Variants in KCNMA1 observed in about 807,000 individuals in gnomAD.
KCNMA1 encodes the protein potassium calcium-activated channel subfamily M alpha 1.
KCNMA1 carries 29 observed loss-of-function variants against 140.0 expected under a neutral mutation model. The observed-to-expected ratio is 0.21, with a 90% CI of 0.15 to 0.28. KCNMA1 has a LOEUF of 0.28. Ranked by LOEUF, KCNMA1 falls within the 10% of genes least tolerant of loss-of-function variation. KCNMA1 has a pLI of 1.00. For missense variants in KCNMA1, 880 were observed against 1,602.2 expected, an observed-to-expected ratio of 0.55 and a Z score of 7.70; for synonymous variants, 612 against 611.9, an observed-to-expected ratio of 1.00 and a Z score of 0.00.
intron 25 of KCNMA1, among the ~76,000 whole-genome samples, chr10:76,896,859 C>T (rs991179994): frequency 4.7e-5 from 7 of 150,130 alleles, no homozygotes; most frequent in Admixed American, 2.6e-4. Context: ...TGTGAATATG[C>T]TAAAAAAAAA....
intron 5 of KCNMA1, among the ~76,000 whole-genome samples, chr10:77,182,601 AC>A (rs538330486): frequency 2.3e-3 from 348 of 152,336 alleles, no homozygotes; most frequent in Non-Finnish European, 4.0e-3. Flanking sequence ...CATGCATATT[AC>A]TTTTTAAATA....
At chr10:77,531,403 T>C (rs1167314844) in intron 1 of KCNMA1, among the ~76,000 whole-genome samples, 1 of 152,148 alleles carries the variant, frequency 6.6e-6, no homozygotes, top group African/African-American at 2.4e-5. Flanking sequence ...AGGAGAGCAC[T>C]GTATGAGTCC....
intron 5 of KCNMA1, among the ~76,000 whole-genome samples, chr10:77,169,939 C>T (rs1340314811): frequency 6.6e-6 from 1 of 152,158 alleles, no homozygotes; most frequent in Non-Finnish European, 1.5e-5. Flanking sequence ...CACCTGTATC[C>T]CAGTACTTTG....
At chr10:77,628,566 C>A (rs1254485431) in intron 1 of KCNMA1, among the ~76,000 whole-genome samples, 1 of 151,610 alleles carries the variant, frequency 6.6e-6, no homozygotes, top group African/African-American at 2.4e-5. Context: ...CACTAGAACC[C>A]TGGAGGGAGA....
At chr10:77,345,657 G>C (rs2091984781) in intron 2 of KCNMA1, among the ~76,000 whole-genome samples, 1 of 152,180 alleles carries the variant, frequency 6.6e-6, no homozygotes, top group Non-Finnish European at 1.5e-5. Context: ...ACCAAGTTGG[G>C]TTATTATAGA....
intron 2 of KCNMA1, among the ~76,000 whole-genome samples, chr10:77,331,157 T>C (rs576414039): frequency 6.6e-6 from 1 of 152,190 alleles, no homozygotes; most frequent in East Asian, 1.9e-4. Context: ...AATCATCACA[T>C]GTGGCTTATC....
chr10:77,324,684 C>T (rs1214861815), intron 2 of KCNMA1, among the ~76,000 whole-genome samples: 1 of 152,146 alleles, frequency 6.6e-6, no homozygotes, highest in Non-Finnish European at 1.5e-5. Context: ...CCACCATGCC[C>T]AGCTTGTGTA....
At chr10:76,982,993 C>A (rs1002421095) in intron 19 of KCNMA1, among the ~76,000 whole-genome samples, 2 of 152,208 alleles carry the variant, frequency 1.3e-5, no homozygotes, top group Non-Finnish European at 2.9e-5. Context: ...CTATTCCTCA[C>A]AGCCCAGCCA....
intron 5 of KCNMA1, 68 bp from the exon 6 acceptor site, chr10:77,121,116 T>C: frequency 1.9e-6 from 2 of 1,048,150 alleles, no homozygotes; most frequent in Non-Finnish European, 2.9e-6. Context: ...CAGTCTGCCA[T>C]TTGATTTACA....
chr10:77,003,823 A>T (rs891642329), intron 18 of KCNMA1, among the ~76,000 whole-genome samples: 36 of 152,304 alleles, frequency 2.4e-4, no homozygotes, highest in African/African-American at 7.7e-4. Flanking sequence ...GATGATGGGG[A>T]TGAAATAACT....
chr10:76,912,220 T>G (rs1564858889), intron 24 of KCNMA1: 2 of 152,186 alleles, frequency 1.3e-5, no homozygotes, highest in East Asian at 3.9e-4. Flanking sequence ...GCATATGTGG[T>G]CAAATACAAT....
At chr10:77,193,487 G>A (rs1331197688) in intron 3 of KCNMA1, among the ~76,000 whole-genome samples, 4 of 151,896 alleles carry the variant, frequency 2.6e-5, no homozygotes, top group African/African-American at 7.3e-5. Flanking sequence ...TTTTTTTTAG[G>A]GAACCCTTAT....
chr10:77,014,235 G>A (rs2091510105), intron 17 of KCNMA1, among the ~76,000 whole-genome samples: 1 of 152,086 alleles, frequency 6.6e-6, no homozygotes, highest in African/African-American at 2.4e-5. Flanking sequence ...AGACCAGCCT[G>A]GCCAACATGG....
intron 15 of KCNMA1, among the ~76,000 whole-genome samples, chr10:77,029,832 G>A (rs760209782): frequency 3.5e-4 from 53 of 152,176 alleles, no homozygotes; most frequent in Non-Finnish European, 6.9e-4. Flanking sequence ...CAGTAAGACT[G>A]CAGCTGAGTG....
At chr10:77,179,228 G>T (rs75961919) in intron 5 of KCNMA1, among the ~76,000 whole-genome samples, 1,764 of 152,262 alleles carry the variant, frequency 0.012, 34 homozygotes, top group African/African-American at 0.04. Context: ...CATGCTGAGC[G>T]ACCCATCAGC....
intron 1 of KCNMA1, among the ~76,000 whole-genome samples, chr10:77,508,337 G>A (rs2046895897): frequency 9.4e-6 from 1 of 105,866 alleles, no homozygotes. Flanking sequence ...ACCATGCCTG[G>A]CTATTTTTTT....
At chr10:77,214,611 C>G (rs1207563076) in intron 3 of KCNMA1, among the ~76,000 whole-genome samples, 1 of 152,194 alleles carries the variant, frequency 6.6e-6, no homozygotes, top group Admixed American at 6.5e-5. Context: ...ATCCTTTAGC[C>G]CACTTTGATC....
At chr10:77,494,751 A>G (rs921836920) in intron 1 of KCNMA1, among the ~76,000 whole-genome samples, 7 of 152,250 alleles carry the variant, frequency 4.6e-5, no homozygotes, top group African/African-American at 9.6e-5. Flanking sequence ...ATTAAATAAT[A>G]GAAATGCATT....
chr10:77,276,090 A>G (rs528601322), intron 2 of KCNMA1, among the ~76,000 whole-genome samples: 70 of 152,260 alleles, frequency 4.6e-4, no homozygotes, highest in Admixed American at 1.6e-3. Context: ...CATGAGTACC[A>G]CAGTCCTCTC....
Sources: allele counts gnomAD v4.1 joint callset (sites outside exome capture counted in the v4.1 genomes callset), GRCh38; gene constraint gnomAD v4.1.1; transcripts MANE v1.5; gene names NCBI Gene and HGNC (gene_info 2026-07-23, HGNC 2026-07-21).